DNM3: variants seen among roughly 807,000 people sequenced by gnomAD.
The protein encoded by DNM3 is dynamin-3.
A neutral mutation model predicts 101.6 loss-of-function variants in DNM3; 47 were observed. The ratio of observed to expected loss-of-function variants is 0.46; its 90% CI spans 0.37 to 0.59. DNM3 has a LOEUF of 0.59. Ranked by LOEUF, DNM3 falls within the 20% of genes least tolerant of loss-of-function variation. The pLI is 0.00. For missense variants in DNM3, 849 were observed against 1,085.7 expected (o/e 0.78, Z 3.06); for synonymous variants, 385 against 387.9 (o/e 0.99, Z 0.09).
chr1:171,907,505 A>G lies in DNM3; in HGVS notation c.162-14243A>G, dbSNP rs1486884912. Reference sequence around the variant, plus strand: ...AGACTCCGTCACAGAAAAAAAAAAAAAAGAAGTAAGTCAGGTCATGTTACT... The same window carrying G: ...AGACTCCGTCACAGAAAAAAAAAAAGAAGAAGTAAGTCAGGTCATGTTACT... On this transcript the variant is annotated intron_variant, in intron 1 of 20. Transcript: ENST00000627582. Among the ~76,000 whole-genome samples the G allele has an allele frequency of 2.6e-5, 4 of 152,050 alleles. 1 individual carries two copies. Among genetic ancestry groups the G allele is most frequent in the Non-Finnish European group, 4.4e-5 (3 of 67,996 alleles).
intron 20 of DNM3, among the ~76,000 whole-genome samples, chr1:172,395,716 AC>A (rs2069927550): frequency 6.6e-6 from 1 of 152,232 alleles, no homozygotes; most frequent in Non-Finnish European, 1.5e-5. Context: ...CCTTTAGCTT[AC>A]CATTGCCAAT....
chr1:172,177,214 G>C (rs1188097242), intron 14 of DNM3, among the ~76,000 whole-genome samples: 1 of 151,792 alleles, frequency 6.6e-6, no homozygotes, highest in Non-Finnish European at 1.5e-5. Flanking sequence ...TCAGTTACCT[G>C]TGGTCAACTG....
At chr1:171,975,493 G>A (rs2044303907) in intron 2 of DNM3, among the ~76,000 whole-genome samples, 1 of 152,138 alleles carries the variant, frequency 6.6e-6, no homozygotes, top group African/African-American at 2.4e-5. Context: ...TTCTCTATTA[G>A]TAAAGCGTTT....
chr1:171,877,889 G>A (rs184929819), intron 1 of DNM3, among the ~76,000 whole-genome samples: 3 of 152,246 alleles, frequency 2.0e-5, no homozygotes, highest in East Asian at 1.9e-4. Flanking sequence ...GACTTAGACC[G>A]GGTGTCTGAT....
chr1:172,391,819 T>A (rs1210077636), intron 20 of DNM3, among the ~76,000 whole-genome samples: 2 of 152,184 alleles, frequency 1.3e-5, no homozygotes, highest in Non-Finnish European at 2.9e-5. Flanking sequence ...TCCCGCCAGC[T>A]CCCTGTTGGG....
At chr1:171,905,547 C>T (rs909586634) in intron 1 of DNM3, among the ~76,000 whole-genome samples, 13 of 152,004 alleles carry the variant, frequency 8.6e-5, no homozygotes, top group Admixed American at 8.5e-4. Flanking sequence ...CTGAGGGAGA[C>T]CTGTCTCAAG....
At position 172,253,641 on chromosome 1, in the gene DNM3, G is replaced by A. The variant is rs1414743959; in HGVS notation, c.1728G>A (p.Met576Ile). 1 of 1,594,240 alleles carries A rather than the reference G, an allele frequency of 6.3e-7. No individual in the cohort carries two copies. Among genetic ancestry groups the A allele is most frequent in the Admixed American group, 1.7e-5 (1 of 57,526 alleles). Residue 576 changes from methionine to isoleucine, a missense_variant, in exon 15 of 21, where the codon ATG (methionine) becomes ATA (isoleucine). By Grantham distance (10) the Met-to-Ile change is conservative (BLOSUM62 1). Coordinates refer to ENST00000627582, the MANE Select transcript of DNM3 (RefSeq NM_015569.5). ...LKVRDVEKSF[M>I]SSKHIFALFN... is the part of the protein sequence containing the mutation. Reference sequence around the variant, plus strand: ...TTCGGGATGTGGAAAAGAGCTTTATGTCTAGCAAGCACATCTTTGCACTCT... The same window carrying A: ...TTCGGGATGTGGAAAAGAGCTTTATATCTAGCAAGCACATCTTTGCACTCT...
intron 1 of DNM3, among the ~76,000 whole-genome samples, chr1:171,911,070 A>T (rs992907513): frequency 1.3e-3 from 196 of 152,148 alleles, no homozygotes; most frequent in African/African-American, 4.4e-3. Flanking sequence ...TGCGTGGGGG[A>T]ATCATGGATG....
At chr1:172,067,463 C>T (rs1364674878) in intron 10 of DNM3, among the ~76,000 whole-genome samples, 10 of 152,112 alleles carry the variant, frequency 6.6e-5, no homozygotes, top group Admixed American at 6.5e-4. Flanking sequence ...TGGCCCCTCT[C>T]TACTTTTCTA....
intron 14 of DNM3, among the ~76,000 whole-genome samples, chr1:172,164,698 C>G (rs1037458660): frequency 4.6e-5 from 7 of 152,012 alleles, no homozygotes; most frequent in African/African-American, 1.4e-4. Context: ...ACCAGAGGGA[C>G]AGCTATGCCT....
chr1:171,989,450 A>G (rs2045493692), intron 4 of DNM3, among the ~76,000 whole-genome samples: 1 of 152,098 alleles, frequency 6.6e-6, no homozygotes, highest in Non-Finnish European at 1.5e-5. Flanking sequence ...TATTTTAAAA[A>G]GTTGGTAAAA....
At chr1:172,350,336 G>C (rs1297876451) in intron 17 of DNM3, among the ~76,000 whole-genome samples, 1 of 151,842 alleles carries the variant, frequency 6.6e-6, no homozygotes, top group East Asian at 1.9e-4. Context: ...GTGTGTGTGT[G>C]TGTGTGTGTT....
At chr1:172,103,660 C>A (rs2054810181) in intron 13 of DNM3, among the ~76,000 whole-genome samples, 1 of 152,128 alleles carries the variant, frequency 6.6e-6, no homozygotes, top group African/African-American at 2.4e-5. Flanking sequence ...TTTTGATAAT[C>A]TAACAGAAAT....
At chr1:171,927,436 T>G (rs1466098006) in intron 2 of DNM3, among the ~76,000 whole-genome samples, 1 of 152,182 alleles carries the variant, frequency 6.6e-6, no homozygotes, top group Non-Finnish European at 1.5e-5. Context: ...GTCTACTTTT[T>G]CCTTCTTTGT....
downstream of DNM3, among the ~76,000 whole-genome samples, chr1:172,415,532 T>TGTTTG (rs754612515): frequency 0.032 from 3,513 of 110,850 alleles, 110 homozygotes; most frequent in Admixed American, 0.087. Flanking sequence ...GAGTTTTTTT[T>TGTTTG]TTTTTTTTTT....
At chr1:172,361,142 C>T (rs1372963401) in intron 17 of DNM3, among the ~76,000 whole-genome samples, 1 of 151,990 alleles carries the variant, frequency 6.6e-6, no homozygotes, top group East Asian at 1.9e-4. Context: ...TCCTGTGTCC[C>T]TTCTGCACTT....
At chr1:172,307,407 T>C (rs1169320984) in intron 15 of DNM3, among the ~76,000 whole-genome samples, 2 of 152,148 alleles carry the variant, frequency 1.3e-5, no homozygotes, top group Non-Finnish European at 2.9e-5. Flanking sequence ...GAAATAGGAA[T>C]GCTTTTACAC....
At chr1:172,238,438 C>T (rs1314299944) in intron 14 of DNM3, among the ~76,000 whole-genome samples, 1 of 152,068 alleles carries the variant, frequency 6.6e-6, no homozygotes, top group Non-Finnish European at 1.5e-5. Context: ...AAGGACTGAA[C>T]GACTCAACTT....
Position 172,300,326 on chromosome 1 carries a change from G to A in DNM3, c.1770-8402G>A, listed in dbSNP as rs114223161. Among the ~76,000 whole-genome samples the A allele has an allele frequency of 6.8e-3, 1,025 of 151,818 alleles. 11 individuals carry two copies. Among genetic ancestry groups the A allele is most frequent in the African/African-American group, 0.023 (932 of 41,402 alleles). On this transcript the variant is annotated intron_variant, in intron 15 of 20. Coordinates refer to ENST00000627582, the MANE Select transcript of DNM3 (RefSeq NM_015569.5). ...GCATAATTTGTAAATATTTTCTCCC[G>A]TTCTGTAGGTTGTCTGTTTACCCTA...
Sources: gnomAD v4.1 joint callset for allele counts (sites outside exome capture counted in the v4.1 genomes callset) on GRCh38, gnomAD v4.1.1 for gene constraint, MANE v1.5 for transcripts, NCBI Gene and HGNC (gene_info 2026-07-23, HGNC 2026-07-21) for gene names.